Variants in POLR1B observed in about 807,000 individuals in gnomAD.
POLR1B encodes the protein DNA-directed RNA polymerase I subunit RPA2.
POLR1B carries 30 observed loss-of-function variants against 105.8 expected under a neutral mutation model. The ratio of observed to expected loss-of-function variants is 0.28; its 90% CI spans 0.21 to 0.38. The LOEUF is 0.38. POLR1B is among the 10% of genes least tolerant of loss of function. POLR1B has a pLI of 1.00. For synonymous variants in POLR1B, 485 were observed against 505.1 expected (o/e 0.96, Z 0.53); for missense variants, 976 against 1,435.8 (o/e 0.68, Z 5.17).
intron 10 of POLR1B, among the ~76,000 whole-genome samples, chr2:112,566,070 G>T (rs768077371): frequency 6.6e-6 from 1 of 152,084 alleles, no homozygotes; most frequent in Non-Finnish European, 1.5e-5. Context: ...ATTTGGGTCA[G>T]TCTGGTCTCC....
rs1208861221 is a variant in POLR1B at position 112,575,398 on chromosome 2, T to C, written c.3077T>C (p.Ile1026Thr). ...CGAGACAGAGTCACCAACCAGCCTA[T>C]TGGGGGAAGAAATGTCCAGGGTGGA... ...GARDRVTNQPIGGRNVQGGIR... is the reference protein window; with the variant it reads ...GARDRVTNQPTGGRNVQGGIR... Residue 1026 changes from isoleucine (I) to threonine (T), a missense_variant, in exon 15 of 15, where the codon ATT (isoleucine) becomes ACT (threonine). Coordinates refer to ENST00000263331, the MANE Select transcript of POLR1B (RefSeq NM_019014.6). The surrounding 1 kb of genome is among the most constrained non-coding windows in gnomAD (Gnocchi z 5.3). The C allele has an allele frequency of 2.5e-6, 4 of 1,614,040 alleles. No homozygotes were observed. Among genetic ancestry groups the C allele is most frequent in the South Asian group, 2.2e-5 (2 of 91,078 alleles).
intron 7 of POLR1B, among the ~76,000 whole-genome samples, 175 bp downstream of exon 7, chr2:112,552,991 G>C (rs956334098): frequency 6.6e-6 from 1 of 152,184 alleles, no homozygotes; most frequent in African/African-American, 2.4e-5. Context: ...GCTTACACCA[G>C]GTTTGGAAAT....
At chr2:112,567,056 G>A (rs917465254) in intron 10 of POLR1B, among the ~76,000 whole-genome samples, 4 of 152,046 alleles carry the variant, frequency 2.6e-5, no homozygotes, top group Non-Finnish European at 4.4e-5. Context: ...GCATTGTGGA[G>A]CATCGGAGGA....
At chr2:112,564,343 G>T (rs372312998) in intron 9 of POLR1B, 23 bp from the exon 10 acceptor site, 97 of 1,613,174 alleles carry the variant, frequency 6.0e-5, no homozygotes, top group Non-Finnish European at 8.0e-5. Context: ...TGATGTGATT[G>T]TGCTGTTTGT....
intron 1 of POLR1B, among the ~76,000 whole-genome samples, chr2:112,544,907 C>T (rs1682953537): frequency 6.6e-6 from 1 of 152,122 alleles, no homozygotes; most frequent in African/African-American, 2.4e-5. Flanking sequence ...TGCAAATTCA[C>T]CTACTCACTA....
chr2:112,566,986 T>G (rs1325274036), intron 10 of POLR1B, among the ~76,000 whole-genome samples: 2 of 152,070 alleles, frequency 1.3e-5, no homozygotes, highest in African/African-American at 4.8e-5. Context: ...ACCTGCCTCA[T>G]TAGTCTCAGA....
intron 9 of POLR1B, among the ~76,000 whole-genome samples, chr2:112,563,840 T>G (rs1162727847): frequency 6.6e-6 from 1 of 152,172 alleles, no homozygotes; most frequent in African/African-American, 2.4e-5. Flanking sequence ...GAGGTTGCAG[T>G]GAGCCATGAT....
intron 1 of POLR1B, among the ~76,000 whole-genome samples, chr2:112,544,178 C>T (rs997092771): frequency 6.6e-6 from 1 of 151,926 alleles, no homozygotes; most frequent in African/African-American, 2.4e-5. Flanking sequence ...TGACTGTAAT[C>T]CCTGCACTTT....
chr2:112,558,101 T>C lies in POLR1B; in HGVS notation c.1330+20T>C, dbSNP rs1186887897. ...AAACAGGTAAAATTAAATCGATCGT[T>C]TTAGTTATGTTTTTCAAATTAGTTG... On this transcript the variant is annotated intron_variant, in intron 8 of 14. Coordinates refer to ENST00000263331, the MANE Select transcript of POLR1B (RefSeq NM_019014.6). 1 of 1,313,722 alleles carries C rather than the reference T, an allele frequency of 7.6e-7. No individual in the cohort carries two copies. The highest frequency in any genetic ancestry group is 1.5e-5 in the African/African-American group (1 of 66,420). The allele number at this position is 1,313,722 out of a possible 1,614,324, so 81.4% of individuals were successfully genotyped here. A position where few individuals can be genotyped will look rare whatever the true frequency, so the allele number is the denominator to read the frequency against.
At chr2:112,564,643 C>T (rs1684185335) in intron 10 of POLR1B, 144 bp downstream of exon 10, 1 of 1,141,100 alleles carries the variant, frequency 8.8e-7, no homozygotes, top group Non-Finnish European at 1.3e-6. Flanking sequence ...TGCATTCCCT[C>T]TGGTGACAGA....
intron 9 of POLR1B, among the ~76,000 whole-genome samples, chr2:112,560,354 C>T (rs1326449170): frequency 2.6e-5 from 4 of 152,124 alleles, no homozygotes; most frequent in Admixed American, 1.3e-4. Context: ...TTTCTTTTTG[C>T]ATCTCTTGGC....
intron 12 of POLR1B, among the ~76,000 whole-genome samples, chr2:112,570,782 CTTTT>C (rs3980077): frequency 2.3e-5 from 3 of 128,936 alleles, no homozygotes; most frequent in Non-Finnish European, 3.3e-5. Flanking sequence ...TTTTTTTTTT[CTTTT>C]TTTTTTTTTT....
intron 11 of POLR1B, among the ~76,000 whole-genome samples, 157 bp from the exon 12 acceptor site, chr2:112,568,589 C>T (rs186567300): frequency 1.8e-4 from 28 of 152,268 alleles, no homozygotes; most frequent in Admixed American, 3.3e-4. Flanking sequence ...TCTAACTGGT[C>T]GCTTCCCTGT....
intron 1 of POLR1B, chr2:112,545,848 G>C: frequency 2.8e-6 from 1 of 360,384 alleles, no homozygotes. Flanking sequence ...GTCTCCCTAT[G>C]TGGCCCAGCC....
At chr2:112,542,079 C>G (rs1410465608), upstream of POLR1B, 2 of 1,532,370 alleles carry the variant, frequency 1.3e-6, no homozygotes, top group Non-Finnish European at 1.7e-6. Context: ...CAGCGTGGGA[C>G]TGGGAACAGG....
In POLR1B at chr2:112,571,024, C is replaced by T. The variant is rs369764703; in HGVS notation, c.2075-1538C>T. 3.9e-5 allele frequency among the ~76,000 whole-genome samples: 6 copies of T among 152,304 alleles called. No homozygotes were observed. In the South Asian group the frequency reaches 1.2e-3, roughly 32 times the overall value. ...CAAACTCCTGACCTCAAATGATCTG[C>T]CTGCCTCAGCCTCCCAAAGTGCTGG... On this transcript the variant is annotated intron_variant, in intron 12 of 14. Transcript: ENST00000263331.
In POLR1B at chr2:112,576,045, T is replaced by C. The variant is rs957567708; in HGVS notation, c.*316T>C. 1 of 343,688 alleles carries C rather than the reference T, an allele frequency of 2.9e-6. No individual in the cohort carries two copies. Among genetic ancestry groups the C allele is most frequent in the African/African-American group, 2.1e-5 (1 of 47,288 alleles). The allele number at this position is 343,688 out of a possible 1,614,324, so 21.3% of individuals were successfully genotyped here. A position where few individuals can be genotyped will look rare whatever the true frequency, so the allele number is the denominator to read the frequency against. On this transcript the variant is annotated 3_prime_UTR_variant, in exon 15 of 15. Coordinates refer to ENST00000263331, the MANE Select transcript of POLR1B (RefSeq NM_019014.6). The stretch of plus-strand genomic sequence containing the variant: ...CCTACACCCTGCTCTCAGCAGGCAG[T>C]GAGTGTCACACACCTGTTAATCCAT...
At chr2:112,544,444 A>G (rs2104501534) in intron 1 of POLR1B, among the ~76,000 whole-genome samples, 1 of 152,344 alleles carries the variant, frequency 6.6e-6, no homozygotes, top group Admixed American at 6.5e-5. Context: ...AAATAAATAC[A>G]TAAATAAATA....
At chr2:112,555,406 C>T (rs912305514) in intron 7 of POLR1B, among the ~76,000 whole-genome samples, 12 of 151,922 alleles carry the variant, frequency 7.9e-5, no homozygotes, top group African/African-American at 1.9e-4. Context: ...TTTGGGAGGC[C>T]GGGGTGGGAG....
Sources: allele counts gnomAD v4.1 joint callset (sites outside exome capture counted in the v4.1 genomes callset), GRCh38; gene constraint gnomAD v4.1.1; non-coding constraint Gnocchi (gnomAD v3.1); transcripts MANE v1.5; gene names NCBI Gene and HGNC (gene_info 2026-07-23, HGNC 2026-07-21).